HDAC8: variants seen among roughly 807,000 people sequenced by gnomAD.
The protein encoded by HDAC8 is histone deacetylase-like 1.
Under a neutral mutation model 32.2 loss-of-function variants are expected in HDAC8, and 1 was observed. That is an observed-to-expected ratio of 0.03 (90% CI 0.01 to 0.15). The LOEUF (loss-of-function observed/expected upper bound fraction) is 0.15. HDAC8 is among the 10% of genes least tolerant of loss of function. The pLI, the probability that HDAC8 is intolerant of heterozygous loss-of-function variation, is 1.00. For missense variants in HDAC8, 117 were observed against 300.0 expected, an observed-to-expected ratio of 0.39 and a Z score of 4.51; for synonymous variants, 108 against 113.9, an observed-to-expected ratio of 0.95 and a Z score of 0.33.
intron 4 of HDAC8, among the ~76,000 whole-genome samples, chrX:72,511,139 C>T (rs1013755949): frequency 1.8e-5 from 2 of 111,182 alleles, no homozygotes; most frequent in Non-Finnish European, 3.8e-5. Context: ...AAAATGTATA[C>T]GTACATTTTA....
intron 9 of HDAC8, among the ~76,000 whole-genome samples, chrX:72,388,448 C>A (rs1326457804): frequency 9.1e-6 from 1 of 110,037 alleles, no homozygotes; most frequent in African/African-American, 3.3e-5. Flanking sequence ...TGCTCTCCTT[C>A]ACTCCTATAT....
intron 9 of HDAC8, among the ~76,000 whole-genome samples, chrX:72,414,316 T>C (rs2046276726): frequency 8.9e-6 from 1 of 111,823 alleles, no homozygotes; most frequent in Non-Finnish European, 1.9e-5. Flanking sequence ...GTCAGTATGT[T>C]GAAAAAAAGT....
intron 9 of HDAC8, among the ~76,000 whole-genome samples, chrX:72,461,625 G>A (rs1023538582): frequency 1.8e-5 from 2 of 111,000 alleles, no homozygotes; most frequent in Admixed American, 1.9e-4. Context: ...TACCACCTAT[G>A]AAACTTCTTA....
intron 4 of HDAC8, among the ~76,000 whole-genome samples, chrX:72,541,445 T>C (rs1185271873): frequency 1.8e-5 from 2 of 112,275 alleles, no homozygotes; most frequent in African/African-American, 6.5e-5. Flanking sequence ...TTGTAGGCCA[T>C]GGTAGGGACT....
intron 9 of HDAC8, among the ~76,000 whole-genome samples, chrX:72,439,568 C>A (rs2047055614): frequency 9.8e-6 from 1 of 102,484 alleles, no homozygotes; most frequent in Admixed American, 1.1e-4. Context: ...TCAGGAGGCC[C>A]ATCTCACGTG....
At chrX:72,381,166 T>C (rs782107023) in intron 9 of HDAC8, among the ~76,000 whole-genome samples, 1 of 112,375 alleles carries the variant, frequency 8.9e-6, no homozygotes, top group East Asian at 2.8e-4. Flanking sequence ...AGGTAATTCA[T>C]ATGCATATTA....
chrX:72,518,870 C>T (rs1193719914), intron 4 of HDAC8, among the ~76,000 whole-genome samples: 3 of 112,222 alleles, frequency 2.7e-5, no homozygotes, highest in Non-Finnish European at 5.6e-5. Flanking sequence ...CAACAATATA[C>T]ATTTAAGTTT....
intron 7 of HDAC8, among the ~76,000 whole-genome samples, chrX:72,466,429 G>C (rs1555994697): frequency 8.9e-6 from 1 of 112,337 alleles, no homozygotes. Flanking sequence ...AAATGGCACA[G>C]AGTAGGGAAT....
At chrX:72,572,605 A>ACCCCCCCC in intron 1 of HDAC8, 46 bp downstream of exon 1, 2 of 189,320 alleles carry the variant, frequency 1.1e-5, no homozygotes, top group Non-Finnish European at 1.9e-5. Flanking sequence ...CACCGCCCCC[A>ACCCCCCCC]CCCCCACCCC....
intron 9 of HDAC8, among the ~76,000 whole-genome samples, chrX:72,456,410 G>T (rs1313117293): frequency 9.0e-6 from 1 of 111,425 alleles, no homozygotes; most frequent in Non-Finnish European, 1.9e-5. Flanking sequence ...CAAAGAAAGA[G>T]AAAGGAAAAA....
At chrX:72,372,610 G>A (rs996725550) in intron 9 of HDAC8, among the ~76,000 whole-genome samples, 1 of 111,191 alleles carries the variant, frequency 9.0e-6, no homozygotes, top group African/African-American at 3.3e-5. Flanking sequence ...AAGGAGATCT[G>A]TATCCTTGGA....
At chrX:72,474,920 G>A (rs2048289271) in intron 7 of HDAC8, among the ~76,000 whole-genome samples, 1 of 111,692 alleles carries the variant, frequency 9.0e-6, no homozygotes, top group African/African-American at 3.3e-5. Flanking sequence ...AACATGTTTT[G>A]TGGTTTTTTT....
chrX:72,543,243 T>C (rs1350087819), intron 4 of HDAC8, among the ~76,000 whole-genome samples: 1 of 111,539 alleles, frequency 9.0e-6, no homozygotes, highest in Non-Finnish European at 1.9e-5. Flanking sequence ...TAGAAACGAT[T>C]GATGCCTTGA....
At chrX:72,534,299 GTGTATA>G (rs1417166176) in intron 4 of HDAC8, among the ~76,000 whole-genome samples, 5 of 88,912 alleles carry the variant, frequency 5.6e-5, no homozygotes, top group African/African-American at 2.6e-4. Context: ...ATATATATAT[GTGTATA>G]TATATATATA....
intron 9 of HDAC8, among the ~76,000 whole-genome samples, chrX:72,440,679 G>A (rs2047106154): frequency 8.9e-6 from 1 of 112,050 alleles, no homozygotes; most frequent in Admixed American, 9.4e-5. Flanking sequence ...CAGACAGTGG[G>A]CACAGGACAG....
At chrX:72,488,806 T>A (rs1363812257) in intron 7 of HDAC8, 127 bp downstream of exon 7, 4 of 378,859 alleles carry the variant, frequency 1.1e-5, no homozygotes, top group Non-Finnish European at 1.8e-5. Flanking sequence ...ATGACCAGTA[T>A]ACAAAAGCTT....
At chrX:72,443,529 C>T (rs1278523249) in intron 9 of HDAC8, among the ~76,000 whole-genome samples, 23 of 111,794 alleles carry the variant, frequency 2.1e-4, no homozygotes, top group African/African-American at 7.5e-4. Flanking sequence ...GGGACACATT[C>T]AAAGCAGTGT....
chrX:72,338,008 A>C (rs997128351), intron 10 of HDAC8, among the ~76,000 whole-genome samples: 3 of 111,340 alleles, frequency 2.7e-5, no homozygotes, highest in Non-Finnish European at 5.7e-5. Context: ...CTCAACCCCA[A>C]AGTCACTTCT....
chrX:72,431,937 C>G (rs2046830199), intron 9 of HDAC8, among the ~76,000 whole-genome samples: 3 of 111,637 alleles, frequency 2.7e-5, no homozygotes, highest in Non-Finnish European at 5.6e-5. Flanking sequence ...TGCCCAATGT[C>G]ACACGGCTGA....
Sources: gnomAD v4.1 joint callset for allele counts (sites outside exome capture counted in the v4.1 genomes callset) on GRCh38, gnomAD v4.1.1 for gene constraint, MANE v1.5 for transcripts, NCBI Gene and HGNC (gene_info 2026-07-23, HGNC 2026-07-21) for gene names.